Variants in NEDD4L observed in about 807,000 individuals in gnomAD.
The protein encoded by NEDD4L is NEDD4 like E3 ubiquitin protein ligase.
NEDD4L carries 54 observed loss-of-function variants against 148.9 expected under a neutral mutation model. The observed-to-expected ratio is 0.36, with a 90% CI of 0.29 to 0.45. The LOEUF is 0.45. Among genes scored for constraint, NEDD4L ranks in the 20% least tolerant of loss-of-function variants. The probability of loss-of-function intolerance (pLI) is 1.00; values close to 1 mark genes in which losing one functional copy is unlikely to be tolerated. For missense variants in NEDD4L, 856 were observed against 1,233.8 expected (o/e 0.69, Z 4.59); for synonymous variants, 433 against 440.7 (o/e 0.98, Z 0.22).
At chr18:58,308,438 G>A (rs1275283683) in intron 5 of NEDD4L, among the ~76,000 whole-genome samples, 1 of 152,224 alleles carries the variant, frequency 6.6e-6, no homozygotes. Context: ...AACAGTAACT[G>A]TGATGCCAGG....
intron 1 of NEDD4L, among the ~76,000 whole-genome samples, chr18:58,092,125 G>C (rs139431524): frequency 6.6e-6 from 1 of 152,252 alleles, no homozygotes; most frequent in African/African-American, 2.4e-5. Context: ...TAAAAGAGGG[G>C]ATGGCAGGGG....
At chr18:58,261,008 A>G (rs149727335) in intron 5 of NEDD4L, among the ~76,000 whole-genome samples, 526 of 152,368 alleles carry the variant, frequency 3.5e-3, no homozygotes, top group African/African-American at 0.012. Flanking sequence ...TGAACCAGGT[A>G]TCTGTAATAT....
intron 1 of NEDD4L, among the ~76,000 whole-genome samples, chr18:58,074,573 A>G (rs1449121180): frequency 6.6e-6 from 1 of 151,172 alleles, no homozygotes; most frequent in African/African-American, 2.4e-5. Context: ...GTGTCTGGCC[A>G]CTAAGAATTT....
chr18:58,093,767 TA>T (rs2084214119), intron 1 of NEDD4L, among the ~76,000 whole-genome samples: 1 of 152,226 alleles, frequency 6.6e-6, no homozygotes, highest in African/African-American at 2.4e-5. Flanking sequence ...CCATCATAAA[TA>T]CTTTATTCCA....
chr18:58,116,621 C>G (rs1482825385), intron 1 of NEDD4L, among the ~76,000 whole-genome samples: 1 of 152,204 alleles, frequency 6.6e-6, no homozygotes, highest in African/African-American at 2.4e-5. Context: ...TACAGTTCAC[C>G]AGAGAAATAA....
At chr18:58,224,524 G>A (rs2044141005) in intron 2 of NEDD4L, among the ~76,000 whole-genome samples, 1 of 152,264 alleles carries the variant, frequency 6.6e-6, no homozygotes, top group Middle Eastern at 3.4e-3. Context: ...GCCCTGTTTT[G>A]TTGAGGTTTT....
At chr18:58,077,282 T>G (rs573144972) in intron 1 of NEDD4L, among the ~76,000 whole-genome samples, 1 of 145,852 alleles carries the variant, frequency 6.9e-6, no homozygotes, top group Admixed American at 7.1e-5. Context: ...TCCTCTGGCC[T>G]CAGCTTCCTG....
At chr18:58,059,602 T>C (rs902317315) in intron 1 of NEDD4L, among the ~76,000 whole-genome samples, 1 of 152,168 alleles carries the variant, frequency 6.6e-6, no homozygotes. Flanking sequence ...ACAGCAGTGT[T>C]AGGAAGTTTG....
intron 2 of NEDD4L, among the ~76,000 whole-genome samples, chr18:58,218,394 A>C (rs1411431841): frequency 6.6e-6 from 1 of 152,184 alleles, no homozygotes; most frequent in Non-Finnish European, 1.5e-5. Context: ...AAGGAATGTC[A>C]TGACTTTTTA....
chr18:58,319,369 G>A (rs760249868), intron 6 of NEDD4L, among the ~76,000 whole-genome samples: 22 of 152,142 alleles, frequency 1.4e-4, no homozygotes, highest in African/African-American at 4.6e-4. Context: ...TACAAGTTTC[G>A]AGTCTAGGGA....
intron 2 of NEDD4L, among the ~76,000 whole-genome samples, chr18:58,170,397 A>G (rs75217980): frequency 3.7e-3 from 14 of 3,826 alleles, no homozygotes; most frequent in Non-Finnish European, 5.7e-3. Context: ...CCAGCCCAAG[A>G]GGACAGAACA....
intron 1 of NEDD4L, among the ~76,000 whole-genome samples, chr18:58,102,625 T>G (rs570637721): frequency 2.6e-4 from 40 of 152,190 alleles, no homozygotes; most frequent in African/African-American, 9.6e-4. Flanking sequence ...TTTAGAAAAA[T>G]GAAAAATAAC....
intron 1 of NEDD4L, among the ~76,000 whole-genome samples, chr18:58,084,799 A>T (rs188703911): frequency 5.1e-4 from 78 of 151,528 alleles, no homozygotes; most frequent in Non-Finnish European, 1.0e-3. Context: ...GGCTCAAGAG[A>T]TCCTCCCACC....
At chr18:58,379,031 C>T (rs1219416462) in intron 24 of NEDD4L, among the ~76,000 whole-genome samples, 1 of 152,242 alleles carries the variant, frequency 6.6e-6, no homozygotes, top group Non-Finnish European at 1.5e-5. Flanking sequence ...CCTGCTGTGG[C>T]TGGGCATTGT....
intron 2 of NEDD4L, among the ~76,000 whole-genome samples, chr18:58,210,825 A>G (rs1324099094): frequency 6.6e-6 from 1 of 152,238 alleles, no homozygotes; most frequent in African/African-American, 2.4e-5. Flanking sequence ...ATGAAAGTAA[A>G]TGTAGAAATT....
chr18:58,299,140 A>G (rs906564745), intron 5 of NEDD4L, among the ~76,000 whole-genome samples: 1 of 152,254 alleles, frequency 6.6e-6, no homozygotes, highest in Admixed American at 6.5e-5. Context: ...CTGTTTTATT[A>G]GAAATTCTCA....
At chr18:58,309,552 G>A (rs1181053901) in intron 5 of NEDD4L, among the ~76,000 whole-genome samples, 1 of 152,042 alleles carries the variant, frequency 6.6e-6, no homozygotes, top group African/African-American at 2.4e-5. Context: ...CTGTGGCTGA[G>A]CCCTGCCTGA....
chr18:58,356,694 G>C (rs376290810), intron 18 of NEDD4L, among the ~76,000 whole-genome samples: 2 of 152,110 alleles, frequency 1.3e-5, no homozygotes, highest in South Asian at 4.2e-4. Flanking sequence ...TATGAGTGAC[G>C]CATGTAATAG....
chr18:58,198,786 A>AT (rs1237434622), intron 2 of NEDD4L, among the ~76,000 whole-genome samples: 2 of 152,128 alleles, frequency 1.3e-5, no homozygotes, highest in African/African-American at 4.8e-5. Context: ...AGGAACAACT[A>AT]TTTTTTGGCT....
Sources: gnomAD v4.1 joint callset for allele counts (sites outside exome capture counted in the v4.1 genomes callset) on GRCh38, gnomAD v4.1.1 for gene constraint, MANE v1.5 for transcripts, NCBI Gene and HGNC (gene_info 2026-07-23, HGNC 2026-07-21) for gene names.